LUZP1: variants seen among roughly 807,000 people sequenced by gnomAD.
LUZP1 encodes the protein leucine zipper protein 1.
Under a neutral mutation model 71.3 loss-of-function variants are expected in LUZP1, and 25 were observed. That is an observed-to-expected ratio of 0.35 (90% CI 0.26 to 0.49). The LOEUF (loss-of-function observed/expected upper bound fraction) is 0.49, where lower values mean the gene tolerates loss of function less well. LUZP1 is among the 20% of genes least tolerant of loss of function. LUZP1 has a pLI of 0.99. For synonymous variants in LUZP1, 481 were observed against 506.4 expected, an observed-to-expected ratio of 0.95 and a Z score of 0.67; for missense variants, 1,142 against 1,300.8, an observed-to-expected ratio of 0.88 and a Z score of 1.88.
At chr1:23,139,009 AAAAAAAAAAAAT>A (rs1428621520) in intron 2 of LUZP1, among the ~76,000 whole-genome samples, 1 of 99,376 alleles carries the variant, frequency 1.0e-5, no homozygotes, top group African/African-American at 4.8e-5. Context: ...AAAAAAAAAA[AAAAAAAAAAAAT>A]ATATATATAT....
intron 2 of LUZP1, among the ~76,000 whole-genome samples, chr1:23,122,022 AAATT>A (rs1185457469): frequency 4.7e-4 from 71 of 152,066 alleles, no homozygotes; most frequent in African/African-American, 1.0e-3. Flanking sequence ...AAAAATAAAT[AAATT>A]AATTAATTAA....
intron 3 of LUZP1, among the ~76,000 whole-genome samples, chr1:23,101,766 T>C (rs1643933251): frequency 6.6e-6 from 1 of 152,184 alleles, no homozygotes; most frequent in Non-Finnish European, 1.5e-5. Flanking sequence ...TCCTGGATCA[T>C]CCAAAAGCAA....
At chr1:23,092,274 A>C in exon 4 of LUZP1, 4 of 1,614,204 alleles carry the variant, frequency 2.5e-6, no homozygotes, top group Non-Finnish European at 3.4e-6. Flanking sequence ...TGCTATGTCC[A>C]AGTCATCATC....
chr1:23,169,722 T>C (rs1269248964), intron 1 of LUZP1, among the ~76,000 whole-genome samples: 1 of 152,122 alleles, frequency 6.6e-6, no homozygotes, highest in African/African-American at 2.4e-5. Flanking sequence ...GGAGGAAGGC[T>C]TCAAAGACAG....
chr1:23,108,878 G>A (rs189639197), intron 3 of LUZP1, 144 bp downstream of exon 2: 2 of 152,136 alleles, frequency 1.3e-5, no homozygotes, highest in African/African-American at 4.8e-5. Flanking sequence ...GGTTGGTTAA[G>A]TACTCAGCAT....
chr1:23,158,647 CAAAAAAAAAA>C (rs56919514), intron 2 of LUZP1, among the ~76,000 whole-genome samples: 23 of 59,932 alleles, frequency 3.8e-4, no homozygotes, highest in Non-Finnish European at 5.8e-4. Context: ...GACTCTGTCT[CAAAAAAAAAA>C]AAAAAAAAAA....
At chr1:23,162,429 G>A (rs536547220) in intron 2 of LUZP1, among the ~76,000 whole-genome samples, 12 of 151,594 alleles carry the variant, frequency 7.9e-5, no homozygotes, top group Admixed American at 4.6e-4. Flanking sequence ...TTTTAATAAC[G>A]TAATATACTT....
At chr1:23,158,647 C>CA (rs56919514) in intron 2 of LUZP1, among the ~76,000 whole-genome samples, 1,363 of 59,744 alleles carry the variant, frequency 0.023, 46 homozygotes, top group Non-Finnish European at 0.036. Context: ...GACTCTGTCT[C>CA]AAAAAAAAAA....
chr1:23,091,639 A>C, exon 4 of LUZP1: 1 of 1,614,056 alleles, frequency 6.2e-7, no homozygotes. Flanking sequence ...CTGCTCCGAG[A>C]GACCACTGTT....
chr1:23,094,185 C>A lies in LUZP1; in HGVS notation c.77G>T (p.Arg26Leu). Residue 26 changes from arginine (R) to leucine (L), a missense_variant, in exon 4 of 5, where the codon CGC becomes CTC. Arg to Leu is a moderately radical substitution (Grantham distance 102). Coordinates refer to ENST00000302291, the Ensembl canonical transcript of LUZP1. This position sits in a 1 kb window ranked among gnomAD's most constrained non-coding sequence, Gnocchi z 4.7. ...TGTGGCTTCCTCCAACTCATCAAGGCGGCGGCTTAGACTCTGTAGCTTAAA... is the reference window on the plus strand; with the variant it reads ...TGTGGCTTCCTCCAACTCATCAAGGAGGCGGCTTAGACTCTGTAGCTTAAA... 6.2e-7 allele frequency: 1 copy of A among 1,614,140 alleles called. No homozygotes were observed. Among genetic ancestry groups the A allele is most frequent in the South Asian group, 1.1e-5 (1 of 91,076 alleles).
intron 2 of LUZP1, among the ~76,000 whole-genome samples, chr1:23,151,012 G>A (rs1644379063): frequency 6.6e-6 from 1 of 152,212 alleles, no homozygotes. Flanking sequence ...CTAGAACTGG[G>A]TCTTCTATTT....
At chr1:23,083,864 TA>T (rs1643702264), downstream of LUZP1, among the ~76,000 whole-genome samples, 1 of 152,030 alleles carries the variant, frequency 6.6e-6, no homozygotes, top group African/African-American at 2.4e-5. Context: ...GAAGATAAGG[TA>T]GGGGGGCCGG....
At chr1:23,137,763 T>A (rs557103306) in intron 2 of LUZP1, among the ~76,000 whole-genome samples, 187 of 152,284 alleles carry the variant, frequency 1.2e-3, no homozygotes, top group Non-Finnish European at 2.2e-3. Context: ...CTATTGAGAA[T>A]GTAACATGAT....
At chr1:23,088,227 C>T (rs1643794821) in exon 5 of LUZP1, 1 of 152,864 alleles carries the variant, frequency 6.5e-6, no homozygotes. Flanking sequence ...GGGATGATGT[C>T]ATTCCAATGG....
At chr1:23,149,629 T>C (rs1644367886) in intron 2 of LUZP1, among the ~76,000 whole-genome samples, 1 of 151,864 alleles carries the variant, frequency 6.6e-6, no homozygotes, top group South Asian at 2.1e-4. Flanking sequence ...TCTTAAAAAG[T>C]GAGTGAGTGT....
At chr1:23,157,752 C>T (rs1161646776) in intron 2 of LUZP1, among the ~76,000 whole-genome samples, 1 of 151,906 alleles carries the variant, frequency 6.6e-6, no homozygotes, top group African/African-American at 2.4e-5. Context: ...GATCGCGCCA[C>T]TGCACTCCAG....
intron 2 of LUZP1, among the ~76,000 whole-genome samples, chr1:23,117,502 A>C (rs1165716025): frequency 2.3e-5 from 1 of 43,512 alleles, no homozygotes; most frequent in Admixed American, 2.5e-4. Flanking sequence ...ACAATCAGGA[A>C]GCCCTGGGGG....
At chr1:23,166,604 G>A (rs1644511552) in intron 2 of LUZP1, among the ~76,000 whole-genome samples, 2 of 137,290 alleles carry the variant, frequency 1.5e-5, no homozygotes, top group Non-Finnish European at 3.0e-5. Context: ...GCAGTGAGCC[G>A]AGATCGCACC....
chr1:23,170,961 G>C (rs1644548856), intron 1 of LUZP1, among the ~76,000 whole-genome samples: 1 of 151,646 alleles, frequency 6.6e-6, no homozygotes. Context: ...GCCTGGTGGT[G>C]CCCGTGCAGT....
Sources: allele counts gnomAD v4.1 joint callset (sites outside exome capture counted in the v4.1 genomes callset), GRCh38; gene constraint gnomAD v4.1.1; non-coding constraint Gnocchi (gnomAD v3.1); transcripts MANE v1.5; gene names NCBI Gene and HGNC (gene_info 2026-07-23, HGNC 2026-07-21).